The following C8orf34 variants were observed in gnomAD, a reference collection of about 807,000 sequenced individuals.
The protein encoded by C8orf34 is chromosome 8 open reading frame 34, also known as uncharacterized protein C8orf34.
A neutral mutation model predicts 68.3 loss-of-function variants in C8orf34; 65 were observed. That is an observed-to-expected ratio of 0.95 (90% confidence interval 0.78 to 1.17). The LOEUF is 1.17. Ranked by LOEUF, C8orf34 falls within the 50% of genes most tolerant of loss-of-function variation. The pLI is 0.00. For missense variants in C8orf34, 664 were observed against 655.4 expected (o/e 1.01, Z -0.14); for synonymous variants, 244 against 241.2 (o/e 1.01, Z -0.11).
chr8:68,490,224 T>G (rs1813253402), intron 5 of C8orf34, among the ~76,000 whole-genome samples: 1 of 152,188 alleles, frequency 6.6e-6, no homozygotes, highest in Non-Finnish European at 1.5e-5. Flanking sequence ...CATTTCTAGG[T>G]TCATTTGCTC....
At chr8:68,681,590 A>G (rs1563606112) in intron 8 of C8orf34, among the ~76,000 whole-genome samples, 1 of 152,198 alleles carries the variant, frequency 6.6e-6, no homozygotes, top group African/African-American at 2.4e-5. Flanking sequence ...ACCACTATGG[A>G]GAACAGTTTG....
intron 8 of C8orf34, among the ~76,000 whole-genome samples, chr8:68,691,784 T>C (rs1488972869): frequency 6.6e-6 from 1 of 152,100 alleles, no homozygotes; most frequent in Admixed American, 6.6e-5. Flanking sequence ...CTCCTTTTCT[T>C]TTTAATGGTA....
intron 8 of C8orf34, among the ~76,000 whole-genome samples, chr8:68,687,536 G>A (rs1820556917): frequency 6.6e-6 from 1 of 152,020 alleles, no homozygotes; most frequent in South Asian, 2.1e-4. Flanking sequence ...TCAAAAAATG[G>A]TGCTGGGAAA....
At chr8:68,539,158 A>G (rs1007713282) in intron 7 of C8orf34, among the ~76,000 whole-genome samples, 2 of 152,226 alleles carry the variant, frequency 1.3e-5, no homozygotes, top group Non-Finnish European at 2.9e-5. Flanking sequence ...AGTGTTACAT[A>G]TTATTAAGGT....
intron 7 of C8orf34, among the ~76,000 whole-genome samples, chr8:68,605,607 G>T (rs543894646): frequency 1.6e-4 from 24 of 152,168 alleles, no homozygotes; most frequent in Middle Eastern, 3.4e-3. Context: ...ATATTACTAG[G>T]TGAAATAAAC....
At chr8:68,741,322 A>C (rs986366263) in intron 10 of C8orf34, among the ~76,000 whole-genome samples, 3 of 152,160 alleles carry the variant, frequency 2.0e-5, no homozygotes, top group African/African-American at 7.2e-5. Context: ...TAAATTGTTT[A>C]AATTGTTTAT....
chr8:68,702,512 T>C (rs1041829514), intron 8 of C8orf34, among the ~76,000 whole-genome samples: 4 of 152,182 alleles, frequency 2.6e-5, no homozygotes, highest in African/African-American at 9.6e-5. Flanking sequence ...ATTTGACAAA[T>C]GTCTACTCTT....
chr8:68,741,341 G>T (rs1585808295), intron 10 of C8orf34, among the ~76,000 whole-genome samples: 1 of 151,960 alleles, frequency 6.6e-6, no homozygotes, highest in East Asian at 1.9e-4. Flanking sequence ...ATATTTTTGT[G>T]GGTACATTGG....
intron 7 of C8orf34, among the ~76,000 whole-genome samples, chr8:68,561,632 C>T (rs2130174180): frequency 6.6e-6 from 1 of 152,196 alleles, no homozygotes; most frequent in Non-Finnish European, 1.5e-5. Flanking sequence ...GTGGCAGACA[C>T]CTGTATTCCC....
intron 1 of C8orf34, among the ~76,000 whole-genome samples, chr8:68,342,925 A>T (rs562388395): frequency 6.6e-6 from 1 of 152,138 alleles, no homozygotes; most frequent in African/African-American, 2.4e-5. Context: ...TCATAGGCTG[A>T]GGTTGCTAAA....
chr8:68,331,007 C>T lies in C8orf34; in HGVS notation c.-6C>T, dbSNP rs773859155. ...GAGGGTGGGCGCGAGGCGGAGAACG[C>T]GATGAATGAGTTCTCCCCTCGCCTC... is the stretch of plus-strand genomic sequence containing the variant. On this transcript the variant is annotated 5_prime_UTR_variant, in exon 1 of 14. Coordinates refer to ENST00000518698, the MANE Select transcript of C8orf34 (RefSeq NM_052958.4). 2 of 1,413,948 alleles carry T rather than the reference C, an allele frequency of 1.4e-6. No homozygotes were observed. The highest frequency in any genetic ancestry group is 3.1e-5 in the South Asian group (2 of 65,434). The allele number at this position is 1,413,948 out of a possible 1,614,324, so 87.6% of individuals were successfully genotyped here. A position where few individuals can be genotyped will look rare whatever the true frequency, so the allele number is the denominator to read the frequency against.
At chr8:68,358,172 T>C (rs1324255950) in intron 1 of C8orf34, among the ~76,000 whole-genome samples, 1 of 152,144 alleles carries the variant, frequency 6.6e-6, no homozygotes, top group Non-Finnish European at 1.5e-5. Context: ...TGAGCTATAA[T>C]CTGTTTCCTG....
chr8:68,791,218 T>C, intron 12 of C8orf34: 1 of 373,594 alleles, frequency 2.7e-6, no homozygotes, highest in Non-Finnish European at 4.7e-6. Flanking sequence ...CTTACAGTCA[T>C]GGCAGAAGGA....
chr8:68,575,956 G>GGTTTTTTTT (rs747862590), intron 7 of C8orf34, among the ~76,000 whole-genome samples: 2 of 96,344 alleles, frequency 2.1e-5, no homozygotes, highest in African/African-American at 3.6e-5. Context: ...GTAGATGGTT[G>GGTTTTTTTT]TTTTTTTTTT....
chr8:68,646,833 A>C (rs1202095976), intron 8 of C8orf34, among the ~76,000 whole-genome samples: 1 of 152,192 alleles, frequency 6.6e-6, no homozygotes, highest in South Asian at 2.1e-4. Flanking sequence ...CATTGTGTAT[A>C]TATATACCAC....
chr8:68,337,920 A>G (rs1392420561), intron 1 of C8orf34, among the ~76,000 whole-genome samples: 1 of 152,212 alleles, frequency 6.6e-6, no homozygotes, highest in African/African-American at 2.4e-5. Flanking sequence ...AGAGTGCTGG[A>G]ACATAAGAAA....
chr8:68,768,693 G>A lies in C8orf34; in HGVS notation c.1405-7706G>A, dbSNP rs563874253. Among the ~76,000 whole-genome samples the A allele has an allele frequency of 5.3e-5, 8 of 152,196 alleles. No homozygotes were observed. In the South Asian group the frequency reaches 1.2e-3, roughly 24 times the overall value. The stretch of plus-strand genomic sequence containing the variant: ...TACTGAAAACAAATTATTTGCACAT[G>A]CTTTCACCATTCTCTTGCAATTTGT... On this transcript the variant is annotated intron_variant, in intron 10 of 13. Coordinates refer to ENST00000518698, the MANE Select transcript of C8orf34 (RefSeq NM_052958.4).
intron 3 of C8orf34, among the ~76,000 whole-genome samples, chr8:68,461,624 G>A (rs1811831912): frequency 6.6e-6 from 1 of 152,176 alleles, no homozygotes; most frequent in Non-Finnish European, 1.5e-5. Flanking sequence ...AGAAGAGAGT[G>A]GGGGCCAATA....
At chr8:68,341,121 C>A (rs1402099927) in intron 1 of C8orf34, among the ~76,000 whole-genome samples, 1 of 152,114 alleles carries the variant, frequency 6.6e-6, no homozygotes, top group South Asian at 2.1e-4. Flanking sequence ...GGCTGGAAGT[C>A]CAAGATCAAG....
Sources: allele counts gnomAD v4.1 joint callset (sites outside exome capture counted in the v4.1 genomes callset), GRCh38; gene constraint gnomAD v4.1.1; transcripts MANE v1.5; gene names NCBI Gene and HGNC (gene_info 2026-07-23, HGNC 2026-07-21).